Variants in EYA4 observed in about 807,000 individuals in gnomAD.
EYA4 encodes the protein protein phosphatase EYA4.
Under a neutral mutation model 87.9 loss-of-function variants are expected in EYA4, and 31 were observed. That is an observed-to-expected ratio of 0.35 (90% CI 0.27 to 0.48). The LOEUF (loss-of-function observed/expected upper bound fraction) is 0.48, where lower values mean the gene tolerates loss of function less well. Among genes scored for constraint, EYA4 ranks in the 20% least tolerant of loss-of-function variants. The pLI, the probability that EYA4 is intolerant of heterozygous loss-of-function variation, is 0.99. For missense variants in EYA4, 678 were observed against 761.4 expected (o/e 0.89, Z 1.29); for synonymous variants, 263 against 270.6 (o/e 0.97, Z 0.28).
chr6:133,243,091 T>TGC (rs1774103945), intron 1 of EYA4, among the ~76,000 whole-genome samples: 3 of 146,706 alleles, frequency 2.0e-5, no homozygotes, highest in South Asian at 2.2e-4. Context: ...AGCAACTTCG[T>TGC]GTGTGTGTGT....
At chr6:133,377,149 A>G (rs1432221507) in intron 2 of EYA4, among the ~76,000 whole-genome samples, 1 of 152,048 alleles carries the variant, frequency 6.6e-6, no homozygotes, top group East Asian at 1.9e-4. Context: ...AGTGCTGTTC[A>G]GTAGAAAAAT....
intron 2 of EYA4, among the ~76,000 whole-genome samples, chr6:133,307,865 C>G (rs1274645469): frequency 6.6e-6 from 1 of 152,106 alleles, no homozygotes; most frequent in Non-Finnish European, 1.5e-5. Context: ...TGACCCAAAT[C>G]TTATCTTGAA....
At chr6:133,367,276 A>G (rs1350394388) in intron 2 of EYA4, among the ~76,000 whole-genome samples, 1 of 152,242 alleles carries the variant, frequency 6.6e-6, no homozygotes, top group African/African-American at 2.4e-5. Flanking sequence ...TGAGAAGAGT[A>G]GAAGACACGA....
chr6:133,344,935 T>G (rs911223828), intron 2 of EYA4, among the ~76,000 whole-genome samples: 1 of 152,142 alleles, frequency 6.6e-6, no homozygotes, highest in Non-Finnish European at 1.5e-5. Context: ...GAAATGCCAT[T>G]AATGCCTTGA....
chr6:133,278,592 A>T (rs773060558), intron 2 of EYA4, among the ~76,000 whole-genome samples: 11 of 152,324 alleles, frequency 7.2e-5, no homozygotes, highest in Middle Eastern at 3.4e-3. Context: ...CCAAAATGTT[A>T]TTCTCAGAGT....
intron 2 of EYA4, among the ~76,000 whole-genome samples, chr6:133,278,747 T>C (rs998513668): frequency 7.2e-5 from 11 of 152,188 alleles, no homozygotes; most frequent in Admixed American, 3.9e-4. Flanking sequence ...GCATTCTGGC[T>C]TAGAGGATGT....
intron 13 of EYA4, among the ~76,000 whole-genome samples, chr6:133,489,924 G>T (rs1796998824): frequency 6.6e-6 from 1 of 152,082 alleles, no homozygotes; most frequent in Non-Finnish European, 1.5e-5. Context: ...AAGACTAAAA[G>T]ATGAACCAAT....
At chr6:133,317,756 C>T (rs1412340423) in intron 2 of EYA4, among the ~76,000 whole-genome samples, 1 of 151,688 alleles carries the variant, frequency 6.6e-6, no homozygotes, top group Non-Finnish European at 1.5e-5. Flanking sequence ...TATGATCATT[C>T]TCAATCTCAC....
chr6:133,493,100 A>G (rs1179963578), intron 13 of EYA4, among the ~76,000 whole-genome samples: 1 of 152,184 alleles, frequency 6.6e-6, no homozygotes, highest in East Asian at 1.9e-4. Context: ...AAACAATCCT[A>G]AAATTTATAT....
intron 9 of EYA4, among the ~76,000 whole-genome samples, chr6:133,464,560 T>C (rs968225107): frequency 1.1e-4 from 17 of 152,172 alleles, no homozygotes; most frequent in African/African-American, 4.1e-4. Context: ...TGTTCCCATG[T>C]GCTTCTGTTT....
At chr6:133,374,147 C>T (rs937119432) in intron 2 of EYA4, among the ~76,000 whole-genome samples, 4 of 152,074 alleles carry the variant, frequency 2.6e-5, no homozygotes, top group African/African-American at 9.7e-5. Flanking sequence ...TACTTACATA[C>T]TGTACATAAA....
intron 2 of EYA4, among the ~76,000 whole-genome samples, chr6:133,353,227 A>G (rs557696727): frequency 1.3e-5 from 2 of 152,234 alleles, no homozygotes; most frequent in South Asian, 4.1e-4. Flanking sequence ...TCAATTATCT[A>G]TTATTCAAGA....
intron 2 of EYA4, among the ~76,000 whole-genome samples, chr6:133,381,423 A>G (rs1786206982): frequency 6.6e-6 from 1 of 152,078 alleles, no homozygotes; most frequent in African/African-American, 2.4e-5. Context: ...AAAGCTTAAG[A>G]CTTACTTTTA....
chr6:133,263,019 G>A lies in EYA4; in HGVS notation c.-65-11697G>A, dbSNP rs189997468. Among the ~76,000 whole-genome samples the A allele has an allele frequency of 2.6e-5, 4 of 152,234 alleles. No homozygotes were observed. In the East Asian group the frequency reaches 7.7e-4, roughly 29 times the overall value. ...ATAGAATTGGAGCTAGGTGTTCTTT[G>A]TGCCATTGGCTTTCCTCTCTGGCAT... On this transcript the variant is annotated intron_variant, in intron 1 of 19. Transcript: ENST00000355286.
chr6:133,524,989 A>G lies in EYA4; in HGVS notation c.1739-165A>G, dbSNP rs766497988. The G allele has an allele frequency of 8.2e-6, 13 of 1,577,576 alleles. No homozygotes were observed. In the South Asian group the frequency reaches 1.4e-4, roughly 17 times the overall value. On this transcript the variant is annotated intron_variant, in intron 18 of 19. Coordinates refer to ENST00000355286, the MANE Select transcript of EYA4 (RefSeq NM_004100.5). ...TAGGTTAATGAATGCAGTGGCTGGA[A>G]GAATAAGCAGTGCATTGTTTTTCAG...
At chr6:133,388,281 C>T (rs1786939514) in intron 3 of EYA4, among the ~76,000 whole-genome samples, 1 of 151,736 alleles carries the variant, frequency 6.6e-6, no homozygotes, top group East Asian at 1.9e-4. Context: ...GTGGTGGGCA[C>T]CTGTAATCCC....
chr6:133,496,696 CA>C (rs1303849163), intron 13 of EYA4, among the ~76,000 whole-genome samples: 1 of 152,146 alleles, frequency 6.6e-6, no homozygotes, highest in African/African-American at 2.4e-5. Flanking sequence ...CATTTCCTTC[CA>C]GGGGTTACGG....
chr6:133,378,804 T>G (rs1372516642), intron 2 of EYA4, among the ~76,000 whole-genome samples: 2 of 152,086 alleles, frequency 1.3e-5, no homozygotes, highest in East Asian at 3.9e-4. Context: ...TTTAACTCTT[T>G]TTCATGGTGC....
chr6:133,490,367 G>C lies in EYA4; in HGVS notation c.1191+7252G>C, dbSNP rs562036735. 1.5e-4 allele frequency among the ~76,000 whole-genome samples: 23 copies of C among 150,868 alleles called. 1 individual carries two copies. The highest frequency in any genetic ancestry group is 1.5e-3 in the Admixed American group (22 of 15,130). On this transcript the variant is annotated intron_variant, in intron 13 of 19. Coordinates refer to ENST00000355286, the MANE Select transcript of EYA4 (RefSeq NM_004100.5). ...CTAAACTCTCCAATGAAAAGACATA[G>C]AGTGGCTGAATAGATTAAAAAAAAA...
Sources: allele counts gnomAD v4.1 joint callset (sites outside exome capture counted in the v4.1 genomes callset), GRCh38; gene constraint gnomAD v4.1.1; transcripts MANE v1.5; gene names NCBI Gene and HGNC (gene_info 2026-07-23, HGNC 2026-07-21).